Variants in CSMD1 observed in about 807,000 individuals in gnomAD.
CSMD1 encodes the protein CUB and sushi domain-containing protein 1.
A neutral mutation model predicts 417.5 loss-of-function variants in CSMD1; 213 were observed. That is an observed-to-expected ratio of 0.51 (90% confidence interval 0.46 to 0.57). CSMD1 has a LOEUF of 0.57. Ranked by LOEUF, CSMD1 falls within the 20% of genes least tolerant of loss-of-function variation. The probability of loss-of-function intolerance (pLI) is 0.00; values close to 1 mark genes in which losing one functional copy is unlikely to be tolerated. For synonymous variants in CSMD1, 2,862 were observed against 1,736.8 expected (o/e 1.65, Z -16.11); for missense variants, 6,923 against 4,529.7 (o/e 1.53, Z -15.17).
rs1797634095 is a variant in CSMD1 at position 4,169,336 on chromosome 8, C to T, written c.416-137237G>A. ...AAAGCTGGTCCCTCCCATGTGCCTT[C>T]TTCCATCTAGATAAATGGCGACTGC... On this transcript the variant is annotated intron_variant, in intron 3 of 69. Transcript: ENST00000635120. 2.0e-5 allele frequency among the ~76,000 whole-genome samples: 3 copies of T among 152,314 alleles called. No homozygotes were observed. In the South Asian group the frequency reaches 6.2e-4, roughly 32 times the overall value.
chr8:3,891,476 T>C (rs968164082), intron 5 of CSMD1, among the ~76,000 whole-genome samples: 5 of 152,102 alleles, frequency 3.3e-5, no homozygotes, highest in Admixed American at 6.6e-5. Flanking sequence ...ATACAGGAGT[T>C]TGAGACCACC....
chr8:3,811,386 C>T (rs1363698825), intron 5 of CSMD1, among the ~76,000 whole-genome samples: 1 of 152,132 alleles, frequency 6.6e-6, no homozygotes, highest in African/African-American at 2.4e-5. Flanking sequence ...CTTACTTGTT[C>T]TGATCTATAG....
chr8:3,596,824 A>G (rs765882838), intron 8 of CSMD1, among the ~76,000 whole-genome samples: 1 of 152,166 alleles, frequency 6.6e-6, no homozygotes, highest in African/African-American at 2.4e-5. Flanking sequence ...CAGTAATCAC[A>G]TGAGATCCAA....
intron 1 of CSMD1, among the ~76,000 whole-genome samples, chr8:4,815,771 C>A (rs975523348): frequency 3.4e-5 from 5 of 145,440 alleles, no homozygotes; most frequent in Admixed American, 6.8e-5. Flanking sequence ...ATAATAAACA[C>A]ATTTTACAGA....
intron 1 of CSMD1, among the ~76,000 whole-genome samples, chr8:4,791,385 G>C (rs59275405): frequency 6.6e-6 from 1 of 152,062 alleles, no homozygotes; most frequent in African/African-American, 2.4e-5. Context: ...TTCCAATTCA[G>C]CCCTTTGACT....
intron 2 of CSMD1, among the ~76,000 whole-genome samples, chr8:4,491,484 G>A (rs768880260): frequency 3.3e-5 from 5 of 152,070 alleles, no homozygotes; most frequent in Non-Finnish European, 5.9e-5. Flanking sequence ...GACTTTTGTT[G>A]GTGTATCATT....
intron 1 of CSMD1, among the ~76,000 whole-genome samples, chr8:4,948,815 A>G (rs1444202203): frequency 6.6e-6 from 1 of 152,080 alleles, no homozygotes; most frequent in Non-Finnish European, 1.5e-5. Context: ...TTCCCCTAGA[A>G]TGGAGCTGCA....
chr8:4,822,691 T>C (rs537682683), intron 1 of CSMD1, among the ~76,000 whole-genome samples: 75 of 152,166 alleles, frequency 4.9e-4, no homozygotes, highest in Non-Finnish European at 9.7e-4. Flanking sequence ...ATTAGCCATA[T>C]ACAATGTTGT....
At chr8:3,461,554 G>C (rs1031371727) in intron 12 of CSMD1, among the ~76,000 whole-genome samples, 2 of 152,198 alleles carry the variant, frequency 1.3e-5, no homozygotes, top group African/African-American at 4.8e-5. Context: ...TGGTTGTAGA[G>C]AACCTGCTTC....
At chr8:3,508,225 T>G (rs538580597) in intron 10 of CSMD1, among the ~76,000 whole-genome samples, 32 of 152,098 alleles carry the variant, frequency 2.1e-4, no homozygotes, top group African/African-American at 7.5e-4. Flanking sequence ...GTAGTAGGAA[T>G]TTGAGGCACT....
chr8:4,194,016 G>C (rs1799191016), intron 3 of CSMD1, among the ~76,000 whole-genome samples: 1 of 151,956 alleles, frequency 6.6e-6, no homozygotes, highest in Non-Finnish European at 1.5e-5. Flanking sequence ...TAATGTTTTT[G>C]ATATTTAAGG....
chr8:3,957,694 A>AAGAAG (rs910264267), intron 5 of CSMD1, among the ~76,000 whole-genome samples: 1 of 146,380 alleles, frequency 6.8e-6, no homozygotes, highest in Non-Finnish European at 1.5e-5. Context: ...TCGGAAAAAA[A>AAGAAG]AGAAGAGAAG....
chr8:3,543,021 T>G lies in CSMD1; in HGVS notation c.1344+31924A>C, dbSNP rs558655451. Reference sequence around the variant, plus strand: ...GAGTAAAATCCCACTTCATGGCACCTGCTGTTTGTGGGTGTGTTCTGTCTC... The same window carrying G: ...GAGTAAAATCCCACTTCATGGCACCGGCTGTTTGTGGGTGTGTTCTGTCTC... On this transcript the variant is annotated intron_variant, in intron 10 of 69. Coordinates refer to ENST00000635120, the MANE Select transcript of CSMD1 (RefSeq NM_033225.6). Among the ~76,000 whole-genome samples, 6 of 152,286 alleles carry G rather than the reference T, an allele frequency of 3.9e-5. No homozygotes were observed. In the South Asian group the frequency reaches 1.2e-3, roughly 32 times the overall value.
intron 5 of CSMD1, among the ~76,000 whole-genome samples, chr8:3,890,468 G>T (rs1025422372): frequency 1.3e-5 from 2 of 152,018 alleles, no homozygotes; most frequent in African/African-American, 4.8e-5. Context: ...CCAGCTGAGT[G>T]AGGGAAGTTT....
At chr8:4,001,356 A>G (rs536893702) in intron 4 of CSMD1, among the ~76,000 whole-genome samples, 2 of 152,250 alleles carry the variant, frequency 1.3e-5, no homozygotes, top group East Asian at 1.9e-4. Context: ...CCCTGCAGCC[A>G]TTAGCCCCCT....
At chr8:4,322,939 C>T (rs1563452795) in intron 3 of CSMD1, among the ~76,000 whole-genome samples, 1 of 152,184 alleles carries the variant, frequency 6.6e-6, no homozygotes, top group Non-Finnish European at 1.5e-5. Context: ...GAGCCTAGAT[C>T]GTGCCCCTGC....
At chr8:3,857,352 C>G (rs150975798) in intron 5 of CSMD1, among the ~76,000 whole-genome samples, 25 of 152,224 alleles carry the variant, frequency 1.6e-4, no homozygotes, top group African/African-American at 5.8e-4. Flanking sequence ...AACAAAACTA[C>G]ACAAACAAAG....
At chr8:3,157,201 A>C (rs1819590071) in intron 39 of CSMD1, among the ~76,000 whole-genome samples, 1 of 152,102 alleles carries the variant, frequency 6.6e-6, no homozygotes, top group Non-Finnish European at 1.5e-5. Context: ...GGGCTACAAC[A>C]AATAGGTGAT....
chr8:3,709,268 G>A (rs1465770544), intron 6 of CSMD1, among the ~76,000 whole-genome samples: 7 of 151,766 alleles, frequency 4.6e-5, no homozygotes, highest in Non-Finnish European at 7.4e-5. Flanking sequence ...TAAGTGCCCA[G>A]TGGAAACATT....
Sources: allele counts gnomAD v4.1 joint callset (sites outside exome capture counted in the v4.1 genomes callset), GRCh38; gene constraint gnomAD v4.1.1; transcripts MANE v1.5; gene names NCBI Gene and HGNC (gene_info 2026-07-23, HGNC 2026-07-21).